POLK: variants seen among roughly 807,000 people sequenced by gnomAD.
The protein encoded by POLK is DNA polymerase kappa.
A neutral mutation model predicts 94.0 loss-of-function variants in POLK; 76 were observed. That is an observed-to-expected ratio of 0.81 (90% CI 0.67 to 0.98). POLK has a LOEUF of 0.98. Ranked by LOEUF, POLK falls within the 50% of genes least tolerant of loss-of-function variation. The probability of loss-of-function intolerance (pLI) is 0.00; values close to 1 mark genes in which losing one functional copy is unlikely to be tolerated. For missense variants in POLK, 954 were observed against 1,010.1 expected (o/e 0.94, Z 0.75); for synonymous variants, 349 against 325.4 (o/e 1.07, Z -0.78).
chr5:75,585,303 C>G (rs993764925), intron 9 of POLK, among the ~76,000 whole-genome samples: 2 of 152,172 alleles, frequency 1.3e-5, no homozygotes, highest in African/African-American at 4.8e-5. Flanking sequence ...CTTCGAAAGC[C>G]TTAAACTACA....
At chr5:75,595,080 A>G (rs1772994235) in intron 12 of POLK, among the ~76,000 whole-genome samples, 1 of 151,896 alleles carries the variant, frequency 6.6e-6, no homozygotes, top group African/African-American at 2.4e-5. Context: ...GTGAAACTGC[A>G]TCTCTACAAA....
At position 75,573,525 on chromosome 5, in the gene POLK, A is replaced by G. The variant is rs192928679; in HGVS notation, c.409-213A>G. Among the ~76,000 whole-genome samples the G allele has an allele frequency of 2.2e-4, 34 of 152,302 alleles. 1 individual carries two copies. In the East Asian group the frequency reaches 6.6e-3, roughly 29 times the overall value. The stretch of plus-strand genomic sequence containing the variant: ...ACTTAAAGTATAATTAAAAAAATAT[A>G]TGATAGAATGATGACCTTGAGTCAT... On this transcript the variant is annotated intron_variant, in intron 4 of 14. Transcript: ENST00000241436.
intron 1 of POLK, among the ~76,000 whole-genome samples, chr5:75,515,781 C>T (rs975943825): frequency 6.6e-6 from 1 of 152,180 alleles, no homozygotes; most frequent in Non-Finnish European, 1.5e-5. Context: ...TATTCTCTAT[C>T]TTTTTAATAA....
intron 1 of POLK, among the ~76,000 whole-genome samples, chr5:75,524,718 TTCTCATTC>T (rs1445724254): frequency 6.6e-6 from 1 of 152,128 alleles, no homozygotes; most frequent in African/African-American, 2.4e-5. Context: ...CAGAGTGAGA[TTCTCATTC>T]TTTGCAGCTT....
intron 6 of POLK, among the ~76,000 whole-genome samples, chr5:75,580,237 A>C (rs2112814774): frequency 6.6e-6 from 1 of 152,060 alleles, no homozygotes; most frequent in Admixed American, 6.5e-5. Flanking sequence ...TTCTGTATTG[A>C]CCTTAATTTG....
At chr5:75,594,241 A>T (rs1772945607) in intron 12 of POLK, among the ~76,000 whole-genome samples, 192 bp downstream of exon 12, 1 of 152,228 alleles carries the variant, frequency 6.6e-6, no homozygotes, top group Admixed American at 6.5e-5. Flanking sequence ...CGATAAACCC[A>T]TCATAAATTG....
chr5:75,514,623 G>A (rs79996311), intron 1 of POLK, among the ~76,000 whole-genome samples: 1 of 152,114 alleles, frequency 6.6e-6, no homozygotes. Context: ...CCAGATCATC[G>A]CTAGTGAATA....
At chr5:75,564,311 C>T (rs181739791) in intron 3 of POLK, among the ~76,000 whole-genome samples, 66 of 151,236 alleles carry the variant, frequency 4.4e-4, no homozygotes, top group Middle Eastern at 3.4e-3. Flanking sequence ...TATTTTGAGC[C>T]GTTGTGTGTC....
At chr5:75,523,845 G>T (rs938932753) in intron 1 of POLK, among the ~76,000 whole-genome samples, 1 of 152,078 alleles carries the variant, frequency 6.6e-6, no homozygotes, top group East Asian at 1.9e-4. Flanking sequence ...CTTTCACATT[G>T]TAGGCTGGGC....
intron 1 of POLK, among the ~76,000 whole-genome samples, chr5:75,527,084 T>C (rs1197691933): frequency 2.0e-5 from 3 of 152,184 alleles, no homozygotes; most frequent in Non-Finnish European, 2.9e-5. Context: ...GTGAAAGATA[T>C]TGTGTATTAA....
chr5:75,560,660 C>T (rs1322109109), intron 3 of POLK, among the ~76,000 whole-genome samples: 1 of 152,092 alleles, frequency 6.6e-6, no homozygotes, highest in East Asian at 1.9e-4. Flanking sequence ...TAATGCTATC[C>T]CTTCCCTTGC....
intron 6 of POLK, among the ~76,000 whole-genome samples, chr5:75,578,038 GA>G (rs1166776925): frequency 6.6e-6 from 1 of 152,084 alleles, no homozygotes; most frequent in Non-Finnish European, 1.5e-5. Context: ...GAGAATGGGG[GA>G]AAATCATTAA....
chr5:75,569,464 C>T lies in POLK; in HGVS notation c.380C>T (p.Pro127Leu), dbSNP rs146120634. ...GACAATCCAGAATTGAAGGATAAACCCATTGCTGTAGGATCAATGAGTATG... is the reference window on the plus strand; with the variant it reads ...GACAATCCAGAATTGAAGGATAAACTCATTGCTGTAGGATCAATGAGTATG... The change falls in exon 4 of 15, where the codon CCC (proline) becomes CTC (leucine). Residue 127 changes from proline to leucine, a missense_variant. Coordinates refer to ENST00000241436, the Ensembl canonical transcript of POLK. The T allele has an allele frequency of 8.1e-6, 13 of 1,613,102 alleles. No homozygotes were observed. The African/African-American group carries it at 1.6e-4, about 20-fold the overall frequency.
chr5:75,548,664 G>A (rs1355831337), intron 2 of POLK, among the ~76,000 whole-genome samples: 1 of 151,866 alleles, frequency 6.6e-6, no homozygotes, highest in Non-Finnish European at 1.5e-5. Context: ...GAAATGCGTG[G>A]TGATGTCCAC....
downstream of POLK, among the ~76,000 whole-genome samples, chr5:75,605,628 C>A (rs942146023): frequency 1.3e-5 from 2 of 152,156 alleles, no homozygotes; most frequent in Admixed American, 1.3e-4. Flanking sequence ...TTCTACTTTT[C>A]TGCCATATTA....
chr5:75,541,138 C>T (rs1769717454), intron 1 of POLK, among the ~76,000 whole-genome samples: 1 of 151,936 alleles, frequency 6.6e-6, no homozygotes, highest in Admixed American at 6.6e-5. Context: ...ACAAAATTAG[C>T]CAGGCGTGGT....
At chr5:75,590,259 C>A (rs1228171651) in intron 10 of POLK, 85 bp from the exon 11 acceptor site, 2 of 600,974 alleles carry the variant, frequency 3.3e-6, no homozygotes, top group Admixed American at 2.6e-5. Context: ...TAACTTAATG[C>A]TAGCCATATA....
At chr5:75,599,247 A>T (rs529018846) in exon 15 of POLK, 2 of 152,252 alleles carry the variant, frequency 1.3e-5, no homozygotes, top group Non-Finnish European at 2.9e-5. Flanking sequence ...ACTCTGTCTC[A>T]ATAATATAAT....
At chr5:75,537,865 TA>T (rs773183060) in intron 1 of POLK, among the ~76,000 whole-genome samples, 44 of 152,210 alleles carry the variant, frequency 2.9e-4, no homozygotes, top group Non-Finnish European at 5.3e-4. Flanking sequence ...TTTATTTATT[TA>T]TTTTTTTTGA....
Sources: allele counts gnomAD v4.1 joint callset (sites outside exome capture counted in the v4.1 genomes callset), GRCh38; gene constraint gnomAD v4.1.1; transcripts MANE v1.5; gene names NCBI Gene and HGNC (gene_info 2026-07-23, HGNC 2026-07-21).